PRKX: variants seen among roughly 807,000 people sequenced by gnomAD.
The protein encoded by PRKX is cAMP-dependent protein kinase catalytic subunit PRKX.
PRKX carries 12 observed loss-of-function variants against 22.0 expected under a neutral mutation model. That is an observed-to-expected ratio of 0.54 (90% confidence interval 0.35 to 0.88). The LOEUF (loss-of-function observed/expected upper bound fraction) is 0.88, where lower values mean the gene tolerates loss of function less well. PRKX is among the 40% of genes least tolerant of loss of function. The pLI is 0.01. For synonymous variants in PRKX, 134 were observed against 137.7 expected (o/e 0.97, Z 0.19); for missense variants, 217 against 308.0 (o/e 0.70, Z 2.21).
At chrX:3,653,617 T>C (rs1927385583) in intron 3 of PRKX, among the ~76,000 whole-genome samples, 1 of 75,356 alleles carries the variant, frequency 1.3e-5, no homozygotes, top group Non-Finnish European at 2.5e-5. Flanking sequence ...GTAATATATA[T>C]ATTATATATA....
chrX:3,653,432 G>A (rs948238327), intron 3 of PRKX, among the ~76,000 whole-genome samples: 5 of 109,151 alleles, frequency 4.6e-5, no homozygotes, highest in Non-Finnish European at 9.5e-5. Context: ...AGTGCAGCCC[G>A]CACTGGCTGA....
intron 2 of PRKX, among the ~76,000 whole-genome samples, chrX:3,656,366 G>A (rs1276819010): frequency 9.0e-6 from 1 of 111,557 alleles, no homozygotes; most frequent in Non-Finnish European, 1.9e-5. Flanking sequence ...TAATATACAC[G>A]TAAAGACAGA....
Position 3,608,444 on chromosome X carries a change from T to A in PRKX, c.*525A>T, listed in dbSNP as rs2146551701. The A allele has an allele frequency of 9.1e-6, 1 of 110,196 alleles. No individual in the cohort carries two copies. The highest frequency in any genetic ancestry group is 2.8e-4 in the East Asian group (1 of 3,520). The allele number at this position is 110,196 out of a possible 1,213,427, so 9.1% of individuals were successfully genotyped here. The stretch of plus-strand genomic sequence containing the variant: ...ATGCATGCAACATACCCTTCAGATG[T>A]TGTCCCCGAGAAGAGATTTTTGAAA... On this transcript the variant is annotated 3_prime_UTR_variant, in exon 9 of 9. Transcript: ENST00000262848.
rs374014511 is a variant in PRKX, at chrX:3,683,008, A to G, written c.167-8242T>C. On this transcript the variant is annotated intron_variant, in intron 1 of 8. Transcript: ENST00000262848. ...ATGTGGAGACGGAGGCAGAGACCGC[A>G]GTGATGCGGCCACAAGCTCAGGGAC... Among the ~76,000 whole-genome samples the G allele has an allele frequency of 1.6e-4, 18 of 109,966 alleles. No individual in the cohort carries two copies. In the East Asian group the frequency reaches 4.8e-3, roughly 29 times the overall value.
At chrX:3,640,712 G>A (rs1363320404) in intron 4 of PRKX, among the ~76,000 whole-genome samples, 3 of 111,339 alleles carry the variant, frequency 2.7e-5, no homozygotes, top group African/African-American at 9.8e-5. Flanking sequence ...CTACTGGGCT[G>A]CACTCCCAGA....
intron 3 of PRKX, among the ~76,000 whole-genome samples, chrX:3,654,457 GT>G (rs746800596): frequency 6.4e-3 from 275 of 43,304 alleles, no homozygotes; most frequent in African/African-American, 0.018. Context: ...ATTCAATTTG[GT>G]TTTTTTTTTT....
At chrX:3,621,207 G>A (rs12394147) in intron 6 of PRKX, 52 bp downstream of exon 6, 62,012 of 1,092,771 alleles carry the variant, frequency 0.057, 1,307 homozygotes, top group African/African-American at 0.099. Context: ...GGTGTTAGAC[G>A]GCAGACACGC....
At chrX:3,644,636 T>A (rs1927153295) in intron 3 of PRKX, among the ~76,000 whole-genome samples, 1 of 111,032 alleles carries the variant, frequency 9.0e-6, no homozygotes, top group Non-Finnish European at 1.9e-5. Flanking sequence ...ATGCGCACTA[T>A]TTTAGAAACA....
At chrX:3,667,697 C>T (rs947710390) in intron 2 of PRKX, among the ~76,000 whole-genome samples, 5 of 110,965 alleles carry the variant, frequency 4.5e-5, no homozygotes, top group Non-Finnish European at 9.4e-5. Context: ...TATGCACAGC[C>T]GAGCCAGAGC....
In PRKX at chrX:3,613,035, C is replaced by T. The variant is rs184879071; in HGVS notation, c.952-710G>A. Among the ~76,000 whole-genome samples, 296 of 106,195 alleles carry T rather than the reference C, an allele frequency of 2.8e-3. 1 individual carries two copies. Among genetic ancestry groups the T allele is most frequent in the South Asian group, 0.014 (32 of 2,283 alleles). 92.2% of individuals were successfully genotyped at this position (106,195 alleles called of 115,157 possible). On this transcript the variant is annotated intron_variant, in intron 7 of 8. Transcript: ENST00000262848. Reference sequence around the variant, plus strand: ...GCATAGTGGTGGGTGCCTGTAATCCCAGCTACTTGGGAGGCTGAGGCAGGA... The same window carrying T: ...GCATAGTGGTGGGTGCCTGTAATCCTAGCTACTTGGGAGGCTGAGGCAGGA...
At chrX:3,694,787 G>A (rs1294744832) in intron 1 of PRKX, among the ~76,000 whole-genome samples, 2 of 111,019 alleles carry the variant, frequency 1.8e-5, no homozygotes, top group Non-Finnish European at 3.8e-5. Flanking sequence ...AGACAGAAGA[G>A]GAGACACAGG....
At chrX:3,642,789 A>T (rs1287051104) in intron 3 of PRKX, among the ~76,000 whole-genome samples, 2 of 109,193 alleles carry the variant, frequency 1.8e-5, no homozygotes, top group Non-Finnish European at 3.8e-5. Flanking sequence ...ACTTGAGGCC[A>T]GGAGTTCAAG....
Position 3,627,750 on chromosome X carries a change from C to T in PRKX, c.720-1236G>A, listed in dbSNP as rs183951406. ...AAGTGCTAGGATTACCAGCGTGAGC[C>T]ACTGTGCCTGGCCAAAAAGGGAACT... On this transcript the variant is annotated intron_variant, in intron 4 of 8. Transcript: ENST00000262848. Among the ~76,000 whole-genome samples, 841 of 111,105 alleles carry T rather than the reference C, an allele frequency of 7.6e-3. 26 individuals carry two copies. The highest frequency in any genetic ancestry group is 0.075 in the Admixed American group (770 of 10,333).
At chrX:3,667,201 C>T (rs1980960215) in intron 2 of PRKX, 1 of 111,658 alleles carries the variant, frequency 9.0e-6, no homozygotes, top group African/African-American at 3.3e-5. Context: ...AGCTGATCTG[C>T]AGTCTTTTAT....
chrX:3,689,216 C>G (rs768757410), intron 1 of PRKX, among the ~76,000 whole-genome samples: 3 of 112,443 alleles, frequency 2.7e-5, no homozygotes, highest in African/African-American at 9.7e-5. Flanking sequence ...TTGACATTTT[C>G]CCCCCTGGGT....
intron 4 of PRKX, among the ~76,000 whole-genome samples, chrX:3,632,463 C>CCCTGTCTGAATACAT (rs373575978): frequency 0.44 from 47,847 of 109,725 alleles, 7,924 homozygotes; most frequent in East Asian, 0.63. Flanking sequence ...TGGGTGGCGA[C>CCCTGTCTGAATACAT]TCAGCTGTGT....
chrX:3,651,949 T>C (rs1927341656), intron 3 of PRKX, among the ~76,000 whole-genome samples: 1 of 111,678 alleles, frequency 9.0e-6, no homozygotes, highest in South Asian at 3.7e-4. Context: ...CAAAAATCTT[T>C]CTGAGTATTT....
At chrX:3,653,737 TAATA>T (rs1315775871) in intron 3 of PRKX, among the ~76,000 whole-genome samples, 1 of 63,411 alleles carries the variant, frequency 1.6e-5, no homozygotes, top group Non-Finnish European at 2.7e-5. Flanking sequence ...GTGATATATA[TAATA>T]TATATAATAT....
rs1928834447 is a variant in PRKX at position 3,713,334 on chromosome X, G to A, written c.-81C>T. On this transcript the variant is annotated 5_prime_UTR_variant, in exon 1 of 9. Transcript: ENST00000262848. ...GCTTCCCGGGACGCAGCCTCGGAGG[G>A]CGGCGCGGCGGCGGCATCAACAGAG... 2.4e-6 allele frequency: 2 copies of A among 837,759 alleles called. No individual in the cohort carries two copies. Among genetic ancestry groups the A allele is most frequent in the African/African-American group, 2.2e-5 (1 of 46,237 alleles). 69.0% of individuals were successfully genotyped at this position (837,759 alleles called of 1,213,427 possible).
Sources: allele counts gnomAD v4.1 joint callset (sites outside exome capture counted in the v4.1 genomes callset), GRCh38; gene constraint gnomAD v4.1.1; transcripts MANE v1.5; gene names NCBI Gene and HGNC (gene_info 2026-07-23, HGNC 2026-07-21).